MMP26: variants seen among roughly 807,000 people sequenced by gnomAD.
MMP26 encodes the protein matrix metallopeptidase 26.
In MMP26, 33 loss-of-function variants were observed where a neutral mutation model predicts 31.0. The observed-to-expected ratio is 1.06, with a 90% CI of 0.81 to 1.42. The LOEUF is 1.42. MMP26 is among the 40% of genes most tolerant of loss of function. MMP26 has a pLI of 0.00. For synonymous variants in MMP26, 122 were observed against 114.9 expected, an observed-to-expected ratio of 1.06 and a Z score of -0.40; for missense variants, 347 against 316.1, an observed-to-expected ratio of 1.10 and a Z score of -0.74.
intron 2 of MMP26, chr11:4,908,177 C>T: frequency 6.2e-7 from 1 of 1,614,188 alleles, no homozygotes; most frequent in Non-Finnish European, 8.5e-7. Flanking sequence ...CAAAAGCCCT[C>T]TTGTTGTGAT....
At chr11:4,824,727 T>A (rs1196598908) in intron 2 of MMP26, among the ~76,000 whole-genome samples, 9 of 152,170 alleles carry the variant, frequency 5.9e-5, no homozygotes, top group Non-Finnish European at 1.2e-4. Flanking sequence ...TCCACCTAAT[T>A]TTCTGTGGTC....
chr11:4,967,092 C>T lies in MMP26; in HGVS notation c.-144-20976C>T, dbSNP rs979566387. Among the ~76,000 whole-genome samples, 4 of 152,260 alleles carry T rather than the reference C, an allele frequency of 2.6e-5. No individual in the cohort carries two copies. The South Asian group carries it at 8.3e-4, about 32-fold the overall frequency. On this transcript the variant is annotated intron_variant, in intron 2 of 7. Coordinates refer to ENST00000380390, the MANE Select transcript of MMP26 (RefSeq NM_021801.5). ...TTTATAACAAGTTGTCCAGCTTCAG[C>T]TTAAAAGGTTTGGTGAAAGGATAGT...
chr11:4,821,713 G>T, intron 2 of MMP26: 1 of 1,613,894 alleles, frequency 6.2e-7, no homozygotes, highest in East Asian at 2.2e-5. Flanking sequence ...CAACCTAAAT[G>T]CCTGCATTGC....
rs543669005 is a variant in MMP26 at position 4,732,210 on chromosome 11, T to G, written c.-217+27165T>G. 3.1e-4 allele frequency among the ~76,000 whole-genome samples: 47 copies of G among 152,302 alleles called. 1 individual carries two copies. The highest frequency in any genetic ancestry group is 2.7e-3 in the South Asian group (13 of 4,822). ...TCCTGTACATATTTTGGGCTGCAGT[T>G]TGTCTGTCAATGTTATTTCATCTTT... On this transcript the variant is annotated intron_variant, in intron 1 of 7. Transcript: ENST00000380390.
intron 2 of MMP26, among the ~76,000 whole-genome samples, chr11:4,982,587 A>G (rs947287145): frequency 6.6e-6 from 1 of 152,240 alleles, no homozygotes; most frequent in African/African-American, 2.4e-5. Context: ...TAAATGACAT[A>G]ATTCATACAA....
At chr11:4,769,176 C>A in intron 2 of MMP26, 1 of 1,614,108 alleles carries the variant, frequency 6.2e-7, no homozygotes. Context: ...GCAACTGCTC[C>A]CACATGGGAG....
chr11:4,934,976 T>C (rs1255675724), intron 2 of MMP26, among the ~76,000 whole-genome samples: 1 of 151,756 alleles, frequency 6.6e-6, no homozygotes, highest in African/African-American at 2.4e-5. Flanking sequence ...TTGGTTACTG[T>C]AGCCTTGTAG....
intron 2 of MMP26, among the ~76,000 whole-genome samples, chr11:4,897,642 G>T (rs1850729560): frequency 6.6e-6 from 1 of 150,836 alleles, no homozygotes. Context: ...TCCTCAACTG[G>T]CTTCTTAGCT....
At chr11:4,852,375 CA>C (rs1849987364) in intron 2 of MMP26, among the ~76,000 whole-genome samples, 2 of 152,252 alleles carry the variant, frequency 1.3e-5, no homozygotes, top group South Asian at 4.1e-4. Context: ...ATACTCTCCA[CA>C]ATAGCAGACT....
chr11:4,816,828 C>A (rs901274527), intron 2 of MMP26, among the ~76,000 whole-genome samples: 4 of 149,590 alleles, frequency 2.7e-5, no homozygotes, highest in African/African-American at 9.8e-5. Flanking sequence ...CTCAGCCTCC[C>A]GAGTAGCTGG....
chr11:4,832,809 T>C (rs1849664326), intron 2 of MMP26: 1 of 170,956 alleles, frequency 5.8e-6, no homozygotes, highest in Non-Finnish European at 1.3e-5. Context: ...GAAGACTGTG[T>C]TGGGTATTGC....
At chr11:4,812,232 A>ATATATG (rs1051504680) in intron 2 of MMP26, among the ~76,000 whole-genome samples, 1 of 152,294 alleles carries the variant, frequency 6.6e-6, no homozygotes, top group Middle Eastern at 3.4e-3. Flanking sequence ...GTGTGTATAT[A>ATATATG]TATATGTATA....
chr11:4,858,005 G>T (rs1021752588), intron 2 of MMP26, among the ~76,000 whole-genome samples: 7 of 152,070 alleles, frequency 4.6e-5, no homozygotes, highest in African/African-American at 7.2e-5. Flanking sequence ...TGCAGAAAAG[G>T]CTTTCGACAA....
At position 4,943,803 on chromosome 11, in the gene MMP26, C is replaced by T. The variant is rs114160167; in HGVS notation, c.-144-44265C>T. 4.8e-3 allele frequency: 2,065 copies of T among 428,684 alleles called. 44 individuals carry two copies. The highest frequency in any genetic ancestry group is 0.039 in the African/African-American group (1,920 of 48,742). 26.6% of individuals were successfully genotyped at this position (428,684 alleles called of 1,614,324 possible). ...TATGCTGACCATAAATCTTCACCTC[C>T]CCCATTGAGATTTATGTATCTTTAT... On this transcript the variant is annotated intron_variant, in intron 2 of 7. Transcript: ENST00000380390.
intron 2 of MMP26, among the ~76,000 whole-genome samples, chr11:4,986,958 T>TCTCC (rs1846908514): frequency 1.4e-5 from 2 of 140,658 alleles, no homozygotes; most frequent in Non-Finnish European, 3.1e-5. Context: ...TCTCTCTCTC[T>TCTCC]CCCTCTCTCT....
chr11:4,778,411 T>C (rs555048544), intron 2 of MMP26, among the ~76,000 whole-genome samples: 1 of 152,172 alleles, frequency 6.6e-6, no homozygotes, highest in South Asian at 2.1e-4. Context: ...TGTTATTGCA[T>C]TGTGATATCA....
intron 2 of MMP26, among the ~76,000 whole-genome samples, chr11:4,905,078 A>G (rs187038867): frequency 1.3e-3 from 203 of 152,288 alleles, no homozygotes; most frequent in African/African-American, 4.7e-3. Context: ...AGACGAAAAT[A>G]AAAAGGAATA....
At chr11:4,745,758 A>G (rs1353514269) in intron 1 of MMP26, among the ~76,000 whole-genome samples, 1 of 152,130 alleles carries the variant, frequency 6.6e-6, no homozygotes, top group Non-Finnish European at 1.5e-5. Flanking sequence ...TGCTCTGTCT[A>G]TTCTCCTATA....
intron 2 of MMP26, chr11:4,803,640 A>G: frequency 1.2e-6 from 2 of 1,614,020 alleles, no homozygotes; most frequent in Non-Finnish European, 1.7e-6. Flanking sequence ...TGACACAGAT[A>G]TGGGAGGAAC....
Sources: allele counts gnomAD v4.1 joint callset (sites outside exome capture counted in the v4.1 genomes callset), GRCh38; gene constraint gnomAD v4.1.1; transcripts MANE v1.5; gene names NCBI Gene and HGNC (gene_info 2026-07-23, HGNC 2026-07-21).